Variants in SLC2A2 observed in about 807,000 individuals in gnomAD.
The protein encoded by SLC2A2 is solute carrier family 2, facilitated glucose transporter member 2.
In SLC2A2, 36 loss-of-function variants were observed where a neutral mutation model predicts 54.5. The observed-to-expected ratio is 0.66, with a 90% CI of 0.51 to 0.87. The LOEUF (loss-of-function observed/expected upper bound fraction) is 0.87, where lower values mean the gene tolerates loss of function less well. Ranked by LOEUF, SLC2A2 falls within the 40% of genes least tolerant of loss-of-function variation. The pLI, the probability that SLC2A2 is intolerant of heterozygous loss-of-function variation, is 0.00. For synonymous variants in SLC2A2, 223 were observed against 219.1 expected (o/e 1.02, Z -0.16); for missense variants, 543 against 624.3 (o/e 0.87, Z 1.39).
rs1246844150 is a variant in SLC2A2 at position 170,999,865 on chromosome 3, T to C, written c.1069-699A>G. ...TTCTTATCTTAACTGAGGAGATACG[T>C]CATTGATTCCTTTAGTTTTGTGGAC... On this transcript the variant is annotated intron_variant, in intron 8 of 10. Transcript: ENST00000314251. 2.6e-5 allele frequency among the ~76,000 whole-genome samples: 4 copies of C among 152,146 alleles called. No individual in the cohort carries two copies. The East Asian group carries it at 7.7e-4, about 29-fold the overall frequency.
chr3:171,007,481 T>G, intron 4 of SLC2A2: 2 of 557,012 alleles, frequency 3.6e-6, no homozygotes, highest in East Asian at 6.1e-5. Context: ...AAAGAAATGC[T>G]TAGTCATGTA....
At chr3:171,016,709 G>A (rs1716167855) in intron 2 of SLC2A2, among the ~76,000 whole-genome samples, 1 of 152,104 alleles carries the variant, frequency 6.6e-6, no homozygotes, top group African/African-American at 2.4e-5. Flanking sequence ...ACAAAAGGAA[G>A]GGCCTATATA....
In SLC2A2 at chr3:170,998,117, A is replaced by C; in HGVS notation, c.1375-14T>G. 6.2e-7 allele frequency: 1 copy of C among 1,613,574 alleles called. No homozygotes were observed. Among genetic ancestry groups the C allele is most frequent in the Non-Finnish European group, 8.5e-7 (1 of 1,179,708 alleles). On this transcript the variant is annotated splice_polypyrimidine_tract_variant and intron_variant, in intron 10 of 10. Coordinates refer to ENST00000314251, the MANE Select transcript of SLC2A2 (RefSeq NM_000340.2). ...TCCACAGAAGTCCTGGATAGAAAGC[A>C]AACACAGACTTTGAGTTAGCAGTTT... is the stretch of plus-strand genomic sequence containing the variant.
intron 4 of SLC2A2, among the ~76,000 whole-genome samples, chr3:171,009,605 G>A (rs918673362): frequency 7.9e-5 from 12 of 151,916 alleles, no homozygotes; most frequent in African/African-American, 2.7e-4. Flanking sequence ...GATTCTATGC[G>A]GAACGTTTTA....
At chr3:171,012,738 G>C (rs1481338998) in intron 3 of SLC2A2, among the ~76,000 whole-genome samples, 1 of 152,064 alleles carries the variant, frequency 6.6e-6, no homozygotes, top group African/African-American at 2.4e-5. Flanking sequence ...ATTTTATGGG[G>C]ATACTGATAA....
rs769325995 is a variant in SLC2A2, at chr3:171,005,350, A to G, written c.898T>C (p.Tyr300His). 2.0e-5 allele frequency: 32 copies of G among 1,612,912 alleles called. No homozygotes were observed. In the South Asian group the frequency reaches 3.5e-4, roughly 18 times the overall value. ...SIIQLFTNSS[Y>H]RQPILVALML... ...AGTGCCACTAGAATAGGCTGTCGGT[A>G]GCTGGAATTGGTGAAGAGCTGAATT... Residue 300 changes from tyrosine (Y) to histidine (H), a missense_variant, in exon 7 of 11, where the codon TAC becomes CAC. Physicochemically the swap from Tyr to His is moderately conservative, Grantham distance 83 (BLOSUM62 2). Transcript: ENST00000314251.
rs749710583 is a variant in SLC2A2 at position 170,998,194 on chromosome 3, G to T, written c.1373C>A (p.Ala458Glu). 4.3e-6 allele frequency: 7 copies of T among 1,613,332 alleles called. No homozygotes were observed. The highest frequency in any genetic ancestry group is 1.1e-5 in the South Asian group (1 of 91,070). ...FIVALCFQYI[A>E]DFCGPYVFFL... Reference sequence around the variant, plus strand: ...TCTGTGGAATATTAGGCTGCTTACCGCAATGTACTGGAAACACAGAGCTAC... The same window carrying T: ...TCTGTGGAATATTAGGCTGCTTACCTCAATGTACTGGAAACACAGAGCTAC... The change falls in exon 10 of 11, where the codon GCG becomes GAG. Residue 458 changes from alanine to glutamate, a missense_variant and splice_region_variant. By Grantham distance (107) the Ala-to-Glu change is moderately radical. Coordinates refer to ENST00000314251, the MANE Select transcript of SLC2A2 (RefSeq NM_000340.2).
In SLC2A2 at chr3:171,002,603, A is replaced by C. The variant is rs2108239120; in HGVS notation, c.1041T>G (p.Ala347=). 1.9e-6 allele frequency: 3 copies of C among 1,610,278 alleles called. No individual in the cohort carries two copies. The East Asian group carries it at 6.7e-5, about 36-fold the overall frequency. Residue 347 remains alanine, a synonymous_variant, in exon 8 of 11, where the codon GCT becomes GCG. Coordinates refer to ENST00000314251, the MANE Select transcript of SLC2A2 (RefSeq NM_000340.2). Reference sequence around the variant, plus strand: ...AGACAGCAGTGAAAACCATGTTTACAGCGCCAACTCCAATGGTTGCATAAA... The same window carrying C: ...AGACAGCAGTGAAAACCATGTTTACCGCGCCAACTCCAATGGTTGCATAAA... ...KPVYATIGVG[A]VNMVFTAVSV... is the part of the protein sequence containing the mutation.
chr3:171,019,536 G>C (rs903503659), intron 1 of SLC2A2, among the ~76,000 whole-genome samples: 1 of 152,080 alleles, frequency 6.6e-6, no homozygotes, highest in African/African-American at 2.4e-5. Flanking sequence ...AACTATCTTA[G>C]AGAAATCACA....
intron 2 of SLC2A2, among the ~76,000 whole-genome samples, chr3:171,016,836 G>A (rs1244867190): frequency 6.7e-6 from 1 of 148,968 alleles, no homozygotes; most frequent in Non-Finnish European, 1.5e-5. Flanking sequence ...GACTGGAGGG[G>A]ATGGTTTAAT....
chr3:171,015,378 G>A (rs374823921), intron 2 of SLC2A2, among the ~76,000 whole-genome samples: 7 of 152,072 alleles, frequency 4.6e-5, no homozygotes, highest in African/African-American at 9.7e-5. Context: ...GGGCTGAAGC[G>A]GGAGGATTGC....
intron 3 of SLC2A2, among the ~76,000 whole-genome samples, chr3:171,012,350 G>C (rs1232467617): frequency 6.6e-6 from 1 of 152,170 alleles, no homozygotes; most frequent in African/African-American, 2.4e-5. Context: ...CTTGATCTGT[G>C]TGAAACCAAA....
intron 1 of SLC2A2, among the ~76,000 whole-genome samples, chr3:171,024,286 T>C (rs1293839519): frequency 6.6e-6 from 1 of 152,210 alleles, no homozygotes; most frequent in African/African-American, 2.4e-5. Flanking sequence ...CAGCCATGTG[T>C]CAACTTTTCA....
intron 9 of SLC2A2, 33 bp downstream of exon 9, chr3:170,999,032 A>T: frequency 1.5e-6 from 2 of 1,358,378 alleles, no homozygotes; most frequent in Non-Finnish European, 2.1e-6. Context: ...ATCATATGTT[A>T]ATGAAAAACC....
In SLC2A2 at chr3:171,002,232, G is replaced by C. The variant is rs61169219; in HGVS notation, c.1068+344C>G. On this transcript the variant is annotated intron_variant, in intron 8 of 10. Transcript: ENST00000314251. Reference sequence around the variant, plus strand: ...CCAATATCAATAGAAATGACAAGCTGTCAGCTACTCCCAAGGGGTTTATGT... The same window carrying C: ...CCAATATCAATAGAAATGACAAGCTCTCAGCTACTCCCAAGGGGTTTATGT... Among the ~76,000 whole-genome samples, 30,179 of 151,874 alleles carry C rather than the reference G, an allele frequency of 0.2. 3,943 individuals are homozygous for C. Among genetic ancestry groups the C allele is most frequent in the African/African-American group, 0.37 (15,504 of 41,404 alleles).
At chr3:171,001,158 G>T (rs1715316181) in intron 8 of SLC2A2, among the ~76,000 whole-genome samples, 1 of 151,930 alleles carries the variant, frequency 6.6e-6, no homozygotes. Context: ...CTTTACAGAA[G>T]TTTCCTCTTT....
chr3:171,004,021 T>A (rs61791073), intron 7 of SLC2A2, among the ~76,000 whole-genome samples: 9,854 of 152,046 alleles, frequency 0.065, 501 homozygotes, highest in African/African-American at 0.14. Context: ...GTCTTTTAGG[T>A]CATTCTGCTA....
intron 9 of SLC2A2, 77 bp from the exon 10 acceptor site, chr3:170,998,473 T>C: frequency 4.5e-6 from 5 of 1,112,596 alleles, no homozygotes; most frequent in East Asian, 2.4e-5. Context: ...AGCCTCTGAG[T>C]TCACAGGCGG....
At chr3:171,003,372 T>C (rs985672497) in intron 7 of SLC2A2, among the ~76,000 whole-genome samples, 3 of 151,114 alleles carry the variant, frequency 2.0e-5, no homozygotes, top group Non-Finnish European at 4.4e-5. Context: ...TAATTTACTA[T>C]TCATTAGGCT....
Sources: gnomAD v4.1 joint callset for allele counts (sites outside exome capture counted in the v4.1 genomes callset) on GRCh38, gnomAD v4.1.1 for gene constraint, MANE v1.5 for transcripts, NCBI Gene and HGNC (gene_info 2026-07-23, HGNC 2026-07-21) for gene names.